FER1L5: variants seen among roughly 807,000 people sequenced by gnomAD.
The protein encoded by FER1L5 is fer-1 like family member 5, also known as fer-1-like protein 5.
A neutral mutation model predicts 279.9 loss-of-function variants in FER1L5; 187 were observed. The ratio of observed to expected loss-of-function variants is 0.67; its 90% confidence interval spans 0.59 to 0.75. The LOEUF is 0.75. Ranked by LOEUF, FER1L5 falls within the 30% of genes least tolerant of loss-of-function variation. The probability of loss-of-function intolerance (pLI) is 0.00; values close to 1 mark genes in which losing one functional copy is unlikely to be tolerated. For missense variants in FER1L5, 2,091 were observed against 2,594.4 expected (o/e 0.81, Z 4.21); for synonymous variants, 921 against 989.7 (o/e 0.93, Z 1.30).
At position 96,646,439 on chromosome 2, in the gene FER1L5, C is replaced by A; in HGVS notation, c.124C>A (p.Pro42Thr). 1 of 1,551,714 alleles carries A rather than the reference C, an allele frequency of 6.4e-7. No homozygotes were observed. Among genetic ancestry groups the A allele is most frequent in the South Asian group, 1.2e-5 (1 of 84,066 alleles). Residue 42 changes from proline to threonine, a missense_variant, in exon 2 of 53, where the codon CCC becomes ACC. Transcript: ENST00000624922. The stretch of plus-strand genomic sequence containing the variant: ...AACTCGTGTGGTGGAAGGGAATGAT[C>A]CCGTGTGGAATGAGGTAGACAACAG... ...KRTRVVEGND[P>T]VWNETLIWHL...
Position 96,699,996 on chromosome 2 carries a change from C to T in FER1L5, c.4846C>T (p.Arg1616Trp), listed in dbSNP as rs368260119. The T allele has an allele frequency of 4.3e-6, 7 of 1,613,838 alleles. No homozygotes were observed. Among genetic ancestry groups the T allele is most frequent in the East Asian group, 2.2e-5 (1 of 44,886 alleles). ...CTACCTCCTAGAACGCTATGCCAAG[C>T]GGAAAGGGCTACCTCCGCCTCTGTT... ...PSYLLERYAK[R>W]KGLPPPLFSP... The change falls in exon 44 of 53, where the codon CGG (arginine) becomes TGG (tryptophan). Residue 1616 changes from arginine to tryptophan, a missense_variant. Transcript: ENST00000624922.
At chr2:96,676,870 T>C (rs112032102) in intron 19 of FER1L5, among the ~76,000 whole-genome samples, 1 of 152,100 alleles carries the variant, frequency 6.6e-6, no homozygotes, top group Non-Finnish European at 1.5e-5. Flanking sequence ...TTTTTAAATA[T>C]TTTTGGGACG....
At position 96,695,356 on chromosome 2, in the gene FER1L5, C is replaced by T. The variant is rs78966274; in HGVS notation, c.3742-153C>T. The T allele has an allele frequency of 4.0e-4, 400 of 990,238 alleles. 2 individuals are homozygous for T. In the East Asian group the frequency reaches 8.5e-3, roughly 21 times the overall value. The allele number at this position is 990,238 out of a possible 1,614,324, so 61.3% of individuals were successfully genotyped here. A position where few individuals can be genotyped will look rare whatever the true frequency, so the allele number is the denominator to read the frequency against. On this transcript the variant is annotated intron_variant, in intron 34 of 52. Coordinates refer to ENST00000624922, the MANE Select transcript of FER1L5 (RefSeq NM_001293083.2). The stretch of plus-strand genomic sequence containing the variant: ...CAGGACGGGGAAGCCTGTCCTTGTG[C>T]GCCTTCAGACACTGGCTCCTCTGCA...
At chr2:96,681,994 C>T (rs1290727747) in intron 19 of FER1L5, among the ~76,000 whole-genome samples, 1 of 151,998 alleles carries the variant, frequency 6.6e-6, no homozygotes, top group Non-Finnish European at 1.5e-5. Flanking sequence ...CCATGTTGCT[C>T]AGCCTGGTCT....
chr2:96,661,760 C>T lies in FER1L5; in HGVS notation c.987C>T (p.Leu329=), dbSNP rs529697801. Residue 329 remains leucine, a synonymous_variant, in exon 12 of 53, where the codon CTC becomes CTT. Transcript: ENST00000624922. Reference sequence around the variant, plus strand: ...CGATCAACATGGCTTACTTACAGCTCTTCATCTACTGCGCAGAGGACCTTC... The same window carrying T: ...CGATCAACATGGCTTACTTACAGCTTTTCATCTACTGCGCAGAGGACCTTC... ...VVPINMAYLQ[L]FIYCAEDLHL... 508 of 1,551,740 alleles carry T rather than the reference C, an allele frequency of 3.3e-4. 1 individual carries two copies. In the South Asian group the frequency reaches 5.4e-3, roughly 17 times the overall value.
intron 27 of FER1L5, among the ~76,000 whole-genome samples, chr2:96,690,971 G>A (rs907784998): frequency 6.6e-6 from 1 of 152,266 alleles, no homozygotes; most frequent in East Asian, 1.9e-4. Context: ...CGAGTCACAG[G>A]ACTTCTCTGA....
chr2:96,681,858 C>A (rs1371874437), intron 19 of FER1L5, among the ~76,000 whole-genome samples: 1 of 151,756 alleles, frequency 6.6e-6, no homozygotes, highest in East Asian at 1.9e-4. Context: ...GGCGTTATCT[C>A]GGCTCACTGC....
intron 19 of FER1L5, among the ~76,000 whole-genome samples, chr2:96,674,930 C>A (rs146571482): frequency 6.6e-6 from 1 of 152,334 alleles, no homozygotes; most frequent in East Asian, 1.9e-4. Flanking sequence ...GATTCCTTCA[C>A]CCAACAAGTA....
Position 96,695,551 on chromosome 2 carries a change from C to G in FER1L5, c.3784C>G (p.Pro1262Ala), listed in dbSNP as rs1421802009. 2.5e-6 allele frequency: 4 copies of G among 1,593,696 alleles called. No homozygotes were observed. Residue 1262 changes from proline to alanine, a missense_variant, in exon 35 of 53, where the codon CCC becomes GCC. Pro to Ala is a conservative substitution (Grantham distance 27). Coordinates refer to ENST00000624922, the MANE Select transcript of FER1L5 (RefSeq NM_001293083.2). ...GLRNMKKASS[P>A]QLLVEFGEES... ...TCGGAACATGAAGAAGGCGAGCTCCCCCCAGCTCCTGGTGGAATTCGGGGA... is the reference window on the plus strand; with the variant it reads ...TCGGAACATGAAGAAGGCGAGCTCCGCCCAGCTCCTGGTGGAATTCGGGGA...
intron 23 of FER1L5, 130 bp from the exon 24 acceptor site, chr2:96,687,686 A>G (rs767576115): frequency 2.5e-5 from 34 of 1,372,832 alleles, no homozygotes; most frequent in Non-Finnish European, 3.3e-5. Context: ...CAGCTCCAGC[A>G]CTCAGCTCAG....
At chr2:96,647,290 G>A (rs1027466375) in intron 3 of FER1L5, 135 bp downstream of exon 3, 2 of 980,432 alleles carry the variant, frequency 2.0e-6, no homozygotes, top group Non-Finnish European at 3.0e-6. Context: ...AGAAAAAAGA[G>A]GGGTGGGTAC....
At chr2:96,674,655 A>G (rs762603771) in intron 19 of FER1L5, among the ~76,000 whole-genome samples, 5 of 152,218 alleles carry the variant, frequency 3.3e-5, no homozygotes, top group Non-Finnish European at 7.3e-5. Context: ...TATTTAAAAA[A>G]AAGCATATGA....
At position 96,689,274 on chromosome 2, in the gene FER1L5, A is replaced by G. The variant is rs1409702846; in HGVS notation, c.2423A>G (p.Asn808Ser). 1.3e-6 allele frequency: 2 copies of G among 1,550,428 alleles called. No homozygotes were observed. The highest frequency in any genetic ancestry group is 1.2e-5 in the South Asian group (1 of 83,926). ...CAGCAGGGGCTGTATCACTGCCCCA[A>G]CTTCTCGGATGTCATGGGGAACAAG... ...WGQQGLYHCP[N>S]FSDVMGNKTL... Residue 808 changes from asparagine (N) to serine (S), a missense_variant, in exon 25 of 53, where the codon AAC becomes AGC. Transcript: ENST00000624922. This position sits in a 1 kb window ranked among gnomAD's most constrained non-coding sequence, Gnocchi z 4.6.
chr2:96,664,338 A>C (rs899579362), intron 14 of FER1L5, among the ~76,000 whole-genome samples: 5 of 152,090 alleles, frequency 3.3e-5, no homozygotes, highest in African/African-American at 9.7e-5. Context: ...CCTCCCTGTG[A>C]TTCCTATTCC....
chr2:96,661,508 C>A, intron 11 of FER1L5, 68 bp downstream of exon 11: 2 of 1,513,658 alleles, frequency 1.3e-6, no homozygotes, highest in African/African-American at 1.4e-5. Context: ...CTGGGCCTCA[C>A]CCTGGATATT....
chr2:96,667,396 G>GGA (rs1477440356), intron 14 of FER1L5, among the ~76,000 whole-genome samples: 22 of 146,212 alleles, frequency 1.5e-4, no homozygotes, highest in African/African-American at 4.6e-4. Context: ...TGCCTAGGCT[G>GGA]GAGTGCAATG....
At chr2:96,685,016 C>A (rs1330525404) in intron 20 of FER1L5, among the ~76,000 whole-genome samples, 3 of 151,892 alleles carry the variant, frequency 2.0e-5, no homozygotes, top group Admixed American at 6.6e-5. Flanking sequence ...GTGTAGTTCT[C>A]GGGAGCCACC....
At chr2:96,650,142 C>G (rs1247666745) in intron 5 of FER1L5, 38 bp from the exon 6 acceptor site, 3 of 1,497,374 alleles carry the variant, frequency 2.0e-6, no homozygotes, top group Non-Finnish European at 2.7e-6. Flanking sequence ...CTCCTGGGCC[C>G]CAGGCCTCTG....
At chr2:96,642,988 A>C in intron 1 of FER1L5, 67 bp downstream of exon 1, 5 of 1,412,068 alleles carry the variant, frequency 3.5e-6, no homozygotes, top group Non-Finnish European at 4.8e-6. Context: ...TCAGTGAAAA[A>C]AGAGGTGTAT....
Sources: allele counts gnomAD v4.1 joint callset (sites outside exome capture counted in the v4.1 genomes callset), GRCh38; gene constraint gnomAD v4.1.1; non-coding constraint Gnocchi (gnomAD v3.1); transcripts MANE v1.5; gene names NCBI Gene and HGNC (gene_info 2026-07-23, HGNC 2026-07-21).